ADCY9: variants seen among roughly 807,000 people sequenced by gnomAD.
ADCY9 encodes adenylate cyclase type 9.
A neutral mutation model predicts 101.5 loss-of-function variants in ADCY9; 50 were observed. The observed-to-expected ratio is 0.49, with a 90% CI of 0.39 to 0.62. The LOEUF (loss-of-function observed/expected upper bound fraction) is 0.62. Among genes scored for constraint, ADCY9 ranks in the 20% least tolerant of loss-of-function variants. The probability of loss-of-function intolerance (pLI) is 0.00; values close to 1 mark genes in which losing one functional copy is unlikely to be tolerated. For missense variants in ADCY9, 1,662 were observed against 1,800.4 expected, an observed-to-expected ratio of 0.92 and a Z score of 1.39; for synonymous variants, 905 against 769.3, an observed-to-expected ratio of 1.18 and a Z score of -2.92.
At chr16:4,015,903 G>A (rs1011204765) in intron 2 of ADCY9, among the ~76,000 whole-genome samples, 1 of 152,002 alleles carries the variant, frequency 6.6e-6, no homozygotes, top group African/African-American at 2.4e-5. Context: ...GGGAGGCAGA[G>A]GTTGCAGATA....
At chr16:4,073,874 A>T (rs1371747751) in intron 2 of ADCY9, among the ~76,000 whole-genome samples, 1 of 152,222 alleles carries the variant, frequency 6.6e-6, no homozygotes, top group East Asian at 1.9e-4. Context: ...AAGTGGCCTA[A>T]AAAGAAGAAA....
intron 2 of ADCY9, among the ~76,000 whole-genome samples, chr16:4,071,366 C>CAAAAAAAAAAAAAAAAAAAA (rs1004438307): frequency 2.2e-5 from 2 of 89,246 alleles, no homozygotes; most frequent in Non-Finnish European, 2.3e-5. Context: ...AAAAAAAAAT[C>CAAAAAAAAAAAAAAAAAAAA]AAAAAAGTTG....
intron 2 of ADCY9, among the ~76,000 whole-genome samples, chr16:4,039,302 T>C (rs1395524868): frequency 6.6e-6 from 1 of 152,192 alleles, no homozygotes. Flanking sequence ...CTCATGCCGT[T>C]TCCTTGCCAT....
intron 2 of ADCY9, among the ~76,000 whole-genome samples, chr16:4,086,404 T>A (rs186710612): frequency 2.8e-4 from 43 of 152,030 alleles, no homozygotes; most frequent in African/African-American, 9.9e-4. Flanking sequence ...CAGCCACACA[T>A]CACCCAGGCC....
Position 4,055,654 on chromosome 16 carries a change from A to C in ADCY9, c.1694-48096T>G, listed in dbSNP as rs1304766863. On this transcript the variant is annotated intron_variant, in intron 2 of 10. Transcript: ENST00000294016. The stretch of plus-strand genomic sequence containing the variant: ...CGAGACCATCCCGGCTAACACGGTG[A>C]AACCCCGTCTCTACTAAAAATACAA... 4.6e-5 allele frequency among the ~76,000 whole-genome samples: 7 copies of C among 152,076 alleles called. No individual in the cohort carries two copies. In the East Asian group the frequency reaches 1.4e-3, roughly 29 times the overall value.
At chr16:4,101,696 T>A (rs182603534) in intron 2 of ADCY9, among the ~76,000 whole-genome samples, 37 of 152,162 alleles carry the variant, frequency 2.4e-4, no homozygotes, top group African/African-American at 8.4e-4. Flanking sequence ...AGGAACCCAT[T>A]CAATATTTAA....
At chr16:3,971,380 G>A (rs1455772319) in intron 10 of ADCY9, among the ~76,000 whole-genome samples, 1 of 152,126 alleles carries the variant, frequency 6.6e-6, no homozygotes, top group Non-Finnish European at 1.5e-5. Flanking sequence ...AGCAGATTGC[G>A]GAGTCCTGAG....
intron 2 of ADCY9, among the ~76,000 whole-genome samples, chr16:4,029,193 T>C (rs568947321): frequency 1.5e-3 from 225 of 152,200 alleles, no homozygotes; most frequent in African/African-American, 5.2e-3. Flanking sequence ...AGTGAAACAA[T>C]AGAGTATCTA....
At chr16:4,102,030 T>A (rs1191256294) in intron 2 of ADCY9, among the ~76,000 whole-genome samples, 2 of 152,176 alleles carry the variant, frequency 1.3e-5, no homozygotes, top group African/African-American at 2.4e-5. Context: ...CAGTCCCTAG[T>A]GTGTTCTAGG....
chr16:4,006,207 C>G (rs2056366306), intron 3 of ADCY9, among the ~76,000 whole-genome samples: 1 of 152,178 alleles, frequency 6.6e-6, no homozygotes. Context: ...ATGCTGCCAT[C>G]TGGCAGGTGG....
At chr16:4,113,665 G>A in intron 2 of ADCY9, 85 bp downstream of exon 2, 1 of 1,506,452 alleles carries the variant, frequency 6.6e-7, no homozygotes, top group Non-Finnish European at 8.9e-7. Context: ...GCTGTCTGCA[G>A]ACACTGAGGC....
chr16:4,030,431 G>C (rs532721389), intron 2 of ADCY9, among the ~76,000 whole-genome samples: 1 of 152,306 alleles, frequency 6.6e-6, no homozygotes, highest in East Asian at 1.9e-4. Context: ...ACCAGGGGCA[G>C]TGGCTCAAGT....
In ADCY9 at chr16:4,020,064, C is replaced by T. The variant is rs1567440560; in HGVS notation, c.1694-12506G>A. 3.3e-5 allele frequency among the ~76,000 whole-genome samples: 5 copies of T among 151,510 alleles called. No individual in the cohort carries two copies. The South Asian group carries it at 1.0e-3, about 32-fold the overall frequency. On this transcript the variant is annotated intron_variant, in intron 2 of 10. Transcript: ENST00000294016. ...CTGCACTCCAGCCTGGGCAACACAG[C>T]AGACTCCATCTCAAAAAAAGAAAAA...
intron 7 of ADCY9, chr16:3,981,627 T>C (rs1276846399): frequency 6.6e-6 from 1 of 152,182 alleles, no homozygotes; most frequent in Admixed American, 6.5e-5. Flanking sequence ...GGAGTTTTGC[T>C]CGTCACCCAG....
intron 10 of ADCY9, among the ~76,000 whole-genome samples, chr16:3,967,761 G>A (rs867794309): frequency 5.4e-5 from 8 of 147,880 alleles, no homozygotes; most frequent in African/African-American, 1.8e-4. Flanking sequence ...GCAGTGGTGC[G>A]ATCTTGGCTC....
At chr16:4,026,287 T>G (rs1157901569) in intron 2 of ADCY9, among the ~76,000 whole-genome samples, 1 of 151,932 alleles carries the variant, frequency 6.6e-6, no homozygotes. Flanking sequence ...TAGCTGGGCA[T>G]GGTGGCGTCA....
chr16:4,057,795 G>A (rs1021993753), intron 2 of ADCY9, among the ~76,000 whole-genome samples: 1 of 152,122 alleles, frequency 6.6e-6, no homozygotes, highest in Non-Finnish European at 1.5e-5. Context: ...TGGCCAGCAC[G>A]TTCCAACCCA....
chr16:4,007,496 C>G lies in ADCY9; in HGVS notation c.1756G>C (p.Ala586Pro). 2 of 1,614,064 alleles carry G rather than the reference C, an allele frequency of 1.2e-6. No homozygotes were observed. Among genetic ancestry groups the G allele is most frequent in the Non-Finnish European group, 1.7e-6 (2 of 1,180,024 alleles). ...ATGACCTCAAAGCCAGAAAGCAAGG[C>G]CTCTGCACAGCTGCAGCGAGACTCC... Reference protein sequence around the residue: ...AKESRCSCAEALLSGFEVIDG... With the variant: ...AKESRCSCAEPLLSGFEVIDG... The change falls in exon 3 of 11, where the codon GCC becomes CCC. Residue 586 changes from alanine to proline, a missense_variant. Ala to Pro is a conservative substitution (Grantham distance 27, BLOSUM62 -1). Transcript: ENST00000294016.
chr16:4,015,986 G>A (rs944910399), intron 2 of ADCY9, among the ~76,000 whole-genome samples: 8 of 151,006 alleles, frequency 5.3e-5, no homozygotes, highest in South Asian at 2.1e-4. Context: ...AAAAGAAAAA[G>A]AAAACGAAAA....
Sources: allele counts gnomAD v4.1 joint callset (sites outside exome capture counted in the v4.1 genomes callset), GRCh38; gene constraint gnomAD v4.1.1; transcripts MANE v1.5; gene names NCBI Gene and HGNC (gene_info 2026-07-23, HGNC 2026-07-21).